Variants in ZNF385B observed in about 807,000 individuals in gnomAD.
ZNF385B encodes the protein zinc finger protein 385B, also known as zinc finger protein 533.
In ZNF385B, 23 loss-of-function variants were observed where a neutral mutation model predicts 39.2. The ratio of observed to expected loss-of-function variants is 0.59; its 90% CI spans 0.42 to 0.83. ZNF385B has a LOEUF of 0.83. Among genes scored for constraint, ZNF385B ranks in the 40% least tolerant of loss-of-function variants. The pLI is 0.00. For synonymous variants in ZNF385B, 205 were observed against 222.6 expected, an observed-to-expected ratio of 0.92 and a Z score of 0.70; for missense variants, 552 against 598.9, an observed-to-expected ratio of 0.92 and a Z score of 0.82.
At chr2:179,550,294 T>C (rs2060486660) in intron 3 of ZNF385B, among the ~76,000 whole-genome samples, 1 of 149,582 alleles carries the variant, frequency 6.7e-6, no homozygotes, top group Non-Finnish European at 1.5e-5. Flanking sequence ...CTGATAATAC[T>C]GTGTAATACA....
intron 3 of ZNF385B, among the ~76,000 whole-genome samples, chr2:179,601,866 G>A (rs2106105631): frequency 6.6e-6 from 1 of 152,220 alleles, no homozygotes; most frequent in African/African-American, 2.4e-5. Flanking sequence ...ATGCCATGAG[G>A]ACTATCTGAA....
At chr2:179,512,180 A>T (rs1177246206) in intron 5 of ZNF385B, among the ~76,000 whole-genome samples, 1 of 152,174 alleles carries the variant, frequency 6.6e-6, no homozygotes, top group Non-Finnish European at 1.5e-5. Flanking sequence ...TTTGCTTATA[A>T]GGCATAAAAG....
chr2:179,697,006 C>G (rs779024185), intron 3 of ZNF385B, among the ~76,000 whole-genome samples: 2 of 152,142 alleles, frequency 1.3e-5, no homozygotes, highest in Admixed American at 6.5e-5. Context: ...AACAACATTC[C>G]CATTCCCTAG....
intron 6 of ZNF385B, among the ~76,000 whole-genome samples, chr2:179,473,148 C>T (rs564722039): frequency 2.0e-5 from 3 of 152,144 alleles, no homozygotes; most frequent in Non-Finnish European, 4.4e-5. Flanking sequence ...AAGACATCTC[C>T]ACCATTTCAT....
intron 6 of ZNF385B, among the ~76,000 whole-genome samples, chr2:179,476,974 T>C (rs1384709305): frequency 6.6e-6 from 1 of 152,186 alleles, no homozygotes; most frequent in Non-Finnish European, 1.5e-5. Context: ...AGGGTGCTTT[T>C]CTATAAATGA....
intron 3 of ZNF385B, among the ~76,000 whole-genome samples, chr2:179,558,885 A>G (rs1211585166): frequency 6.6e-6 from 1 of 152,130 alleles, no homozygotes; most frequent in East Asian, 1.9e-4. Context: ...CCCCTGTTCC[A>G]TCCCTATGGA....
chr2:179,691,849 T>TA (rs1698380135), intron 3 of ZNF385B, among the ~76,000 whole-genome samples: 1 of 152,032 alleles, frequency 6.6e-6, no homozygotes, highest in Non-Finnish European at 1.5e-5. Flanking sequence ...TTTTATTTTT[T>TA]TAAAAAAATA....
At chr2:179,483,542 C>T in intron 5 of ZNF385B, 108 bp from the exon 6 acceptor site, 1 of 1,416,238 alleles carries the variant, frequency 7.1e-7, no homozygotes. Context: ...CAGACATTTA[C>T]AACTCAGTAC....
At chr2:179,778,562 C>G (rs1704479387) in intron 1 of ZNF385B, among the ~76,000 whole-genome samples, 1 of 152,174 alleles carries the variant, frequency 6.6e-6, no homozygotes, top group East Asian at 1.9e-4. Context: ...TTTGAATTCT[C>G]ATGTCATCTT....
intron 3 of ZNF385B, among the ~76,000 whole-genome samples, chr2:179,633,071 A>G (rs1237085681): frequency 1.3e-5 from 2 of 152,210 alleles, no homozygotes; most frequent in East Asian, 3.8e-4. Context: ...ATAGCCTACC[A>G]ACTAAAAAAT....
chr2:179,837,717 A>G (rs1159824608), intron 1 of ZNF385B, among the ~76,000 whole-genome samples: 1 of 152,220 alleles, frequency 6.6e-6, no homozygotes, highest in Non-Finnish European at 1.5e-5. Flanking sequence ...GCATGGTTTT[A>G]AAAGAAAACA....
intron 5 of ZNF385B, among the ~76,000 whole-genome samples, chr2:179,510,710 CAG>C (rs1242690652): frequency 2.0e-5 from 3 of 151,880 alleles, no homozygotes; most frequent in African/African-American, 7.3e-5. Context: ...CCAAGAAAGA[CAG>C]GGGAAATTGC....
At chr2:179,737,860 A>T (rs1408078391) in intron 3 of ZNF385B, among the ~76,000 whole-genome samples, 2 of 152,180 alleles carry the variant, frequency 1.3e-5, no homozygotes. Flanking sequence ...ATTGTGGTGG[A>T]GCTGCGCTTT....
intron 6 of ZNF385B, 141 bp from the exon 7 acceptor site, chr2:179,446,911 A>G: frequency 5.8e-6 from 6 of 1,025,722 alleles, no homozygotes; most frequent in Non-Finnish European, 8.3e-6. Context: ...TATAGAGGTT[A>G]AATCAACCTC....
rs571596350 is a variant in ZNF385B, at chr2:179,564,206, A to G, written c.299-19237T>C. On this transcript the variant is annotated intron_variant, in intron 3 of 9. Coordinates refer to ENST00000410066, the MANE Select transcript of ZNF385B (RefSeq NM_152520.6). ...TAGCCAGCCCCCTACATGACCTGAA[A>G]CATGCTGATGTTTGAGAACCACTGG... is the stretch of plus-strand genomic sequence containing the variant. 4.6e-5 allele frequency among the ~76,000 whole-genome samples: 7 copies of G among 152,288 alleles called. No homozygotes were observed. The East Asian group carries it at 1.3e-3, about 29-fold the overall frequency.
chr2:179,782,807 A>G, intron 1 of ZNF385B, among the ~76,000 whole-genome samples: 1 of 152,194 alleles, frequency 6.6e-6, no homozygotes. Context: ...TGAGAATTAT[A>G]AAACACTGCT....
chr2:179,549,343 T>G (rs1453371692), intron 3 of ZNF385B, among the ~76,000 whole-genome samples: 2 of 149,600 alleles, frequency 1.3e-5, no homozygotes, highest in African/African-American at 2.5e-5. Context: ...GGTGTCAAAT[T>G]TTGGAAATTG....
intron 3 of ZNF385B, among the ~76,000 whole-genome samples, chr2:179,710,728 C>T (rs561005371): frequency 6.6e-6 from 1 of 152,232 alleles, no homozygotes; most frequent in South Asian, 2.1e-4. Flanking sequence ...CCCCGTCCAC[C>T]CATAGACGGT....
At chr2:179,793,154 A>T (rs1039736114) in intron 1 of ZNF385B, among the ~76,000 whole-genome samples, 2 of 152,224 alleles carry the variant, frequency 1.3e-5, no homozygotes, top group Admixed American at 6.5e-5. Context: ...GAAAAATTCC[A>T]AGACAATAAG....
Sources: gnomAD v4.1 joint callset for allele counts (sites outside exome capture counted in the v4.1 genomes callset) on GRCh38, gnomAD v4.1.1 for gene constraint, MANE v1.5 for transcripts, NCBI Gene and HGNC (gene_info 2026-07-23, HGNC 2026-07-21) for gene names.